RARB: variants seen among roughly 807,000 people sequenced by gnomAD.
RARB encodes HBV-activated protein.
RARB carries 17 observed loss-of-function variants against 51.9 expected under a neutral mutation model. That is an observed-to-expected ratio of 0.33 (90% CI 0.22 to 0.49). The LOEUF is 0.49. Ranked by LOEUF, RARB falls within the 20% of genes least tolerant of loss-of-function variation. The probability of loss-of-function intolerance (pLI) is 0.99; values close to 1 mark genes in which losing one functional copy is unlikely to be tolerated. For missense variants in RARB, 369 were observed against 550.8 expected (o/e 0.67, Z 3.30); for synonymous variants, 215 against 195.4 (o/e 1.10, Z -0.84).
intron 5 of RARB, among the ~76,000 whole-genome samples, chr3:25,175,586 GT>G (rs1435245859): frequency 1.6e-4 from 24 of 152,206 alleles, no homozygotes; most frequent in African/African-American, 5.3e-4. Flanking sequence ...TTCTACCTAA[GT>G]AGAATCCCCG....
chr3:25,392,982 T>C (rs956647182), intron 5 of RARB, among the ~76,000 whole-genome samples: 14 of 152,154 alleles, frequency 9.2e-5, no homozygotes, highest in Admixed American at 5.2e-4. Context: ...TCAAGTGGAA[T>C]GACTTCAGAT....
intron 2 of RARB, among the ~76,000 whole-genome samples, chr3:25,010,644 C>A (rs1038146088): frequency 6.6e-6 from 1 of 152,066 alleles, no homozygotes; most frequent in African/African-American, 2.4e-5. Context: ...ATTTAACCCC[C>A]ACAGTACCCC....
chr3:25,256,021 T>C, intron 5 of RARB, among the ~76,000 whole-genome samples: 1 of 152,170 alleles, frequency 6.6e-6, no homozygotes, highest in East Asian at 1.9e-4. Context: ...TATCATATCA[T>C]GTAAATGTCT....
intron 5 of RARB, among the ~76,000 whole-genome samples, chr3:25,248,475 T>C (rs577621131): frequency 6.6e-6 from 1 of 152,338 alleles, no homozygotes; most frequent in East Asian, 1.9e-4. Context: ...TTGTGTTTTG[T>C]TTTCTGTAGT....
intron 5 of RARB, among the ~76,000 whole-genome samples, chr3:25,390,954 A>G (rs1359169847): frequency 6.6e-6 from 1 of 152,010 alleles, no homozygotes; most frequent in Non-Finnish European, 1.5e-5. Flanking sequence ...GGTTACATGA[A>G]TAAGTTCTTA....
intron 2 of RARB, among the ~76,000 whole-genome samples, chr3:24,966,167 C>A (rs2362766): frequency 0.87 from 131,679 of 151,666 alleles, 57,239 homozygotes; most frequent in East Asian, 0.93. Flanking sequence ...GGCATTTTTA[C>A]TACTTGATTG....
chr3:25,157,912 C>CAAACAAACCAG (rs11276564), intron 4 of RARB, among the ~76,000 whole-genome samples: 1 of 151,468 alleles, frequency 6.6e-6, no homozygotes, highest in Non-Finnish European at 1.5e-5. Context: ...AACTTTAAAT[C>CAAACAAACCAG]AACTGATGCA....
chr3:25,472,662 G>A (rs1695755122), intron 2 of RARB, among the ~76,000 whole-genome samples: 2 of 152,142 alleles, frequency 1.3e-5, no homozygotes, highest in Admixed American at 1.3e-4. Context: ...TGGTTACTGT[G>A]AGAACCTCCT....
chr3:25,050,224 C>T (rs1698299565), intron 2 of RARB, among the ~76,000 whole-genome samples: 1 of 152,068 alleles, frequency 6.6e-6, no homozygotes, highest in Non-Finnish European at 1.5e-5. Flanking sequence ...CTGTGCTTCT[C>T]CTTGACTCCC....
chr3:25,100,348 TAAC>T (rs765995200), intron 3 of RARB, among the ~76,000 whole-genome samples: 3 of 152,164 alleles, frequency 2.0e-5, no homozygotes, highest in Non-Finnish European at 4.4e-5. Flanking sequence ...GTAATCTAAA[TAAC>T]AAGAAGGAGC....
chr3:24,960,801 T>C (rs954149923), intron 2 of RARB, among the ~76,000 whole-genome samples: 6 of 152,042 alleles, frequency 3.9e-5, no homozygotes, highest in Non-Finnish European at 7.4e-5. Flanking sequence ...ATTGACACTT[T>C]CCTTTTTTAA....
rs1048794256 is a variant in RARB at position 25,136,724 on chromosome 3, A to G, written c.-280+4516A>G. Among the ~76,000 whole-genome samples, 20 of 152,132 alleles carry G rather than the reference A, an allele frequency of 1.3e-4. 1 individual carries two copies. Among genetic ancestry groups the G allele is most frequent in the Middle Eastern group, 6.8e-3 (2 of 294 alleles). On this transcript the variant is annotated intron_variant, in intron 4 of 11. Coordinates refer to the RARB transcript ENST00000383772. ...GGAGGGAAGATGATTTAATAGGTGT[A>G]GTAGGACTGGATTTCAACACCAAAG...
At chr3:25,094,610 C>T (rs1699259577) in intron 3 of RARB, among the ~76,000 whole-genome samples, 1 of 144,148 alleles carries the variant, frequency 6.9e-6, no homozygotes, top group Non-Finnish European at 1.5e-5. Flanking sequence ...CCCAGCTATT[C>T]AGGAGGCTTA....
At chr3:24,903,391 AAATATT>A (rs1249761792) in intron 2 of RARB, among the ~76,000 whole-genome samples, 13 of 152,166 alleles carry the variant, frequency 8.5e-5, no homozygotes, top group African/African-American at 2.7e-4. Flanking sequence ...TGAAACTGAT[AAATATT>A]AAGTTTCCCC....
At chr3:24,833,995 C>T (rs1208956136) in intron 1 of RARB, among the ~76,000 whole-genome samples, 2 of 152,202 alleles carry the variant, frequency 1.3e-5, no homozygotes, top group Non-Finnish European at 2.9e-5. Flanking sequence ...ACTAGTATCA[C>T]TATTTAAAGA....
chr3:25,391,311 C>CT (rs1706950309), intron 5 of RARB, among the ~76,000 whole-genome samples: 1 of 152,050 alleles, frequency 6.6e-6, no homozygotes, highest in South Asian at 2.1e-4. Context: ...GGCATTTGGG[C>CT]TGGTTCCATA....
At chr3:25,015,320 A>G (rs1188481721) in intron 2 of RARB, among the ~76,000 whole-genome samples, 1 of 152,172 alleles carries the variant, frequency 6.6e-6, no homozygotes, top group Non-Finnish European at 1.5e-5. Context: ...ATTTCATTCT[A>G]AATTTGTTAT....
intron 4 of RARB, among the ~76,000 whole-genome samples, chr3:25,172,499 A>T (rs887341487): frequency 2.6e-5 from 4 of 152,230 alleles, no homozygotes; most frequent in African/African-American, 7.2e-5. Flanking sequence ...ATATTTGATT[A>T]GAACATTGTA....
chr3:25,339,225 G>T (rs1038753525), intron 5 of RARB, among the ~76,000 whole-genome samples: 4 of 152,174 alleles, frequency 2.6e-5, no homozygotes, highest in African/African-American at 9.7e-5. Context: ...TTAGCCTAAA[G>T]CTGCCTCCTT....
Sources: allele counts gnomAD v4.1 joint callset (sites outside exome capture counted in the v4.1 genomes callset), GRCh38; gene constraint gnomAD v4.1.1; transcripts MANE v1.5; gene names NCBI Gene and HGNC (gene_info 2026-07-23, HGNC 2026-07-21).